The following WDPCP variants were observed in gnomAD, a reference collection of about 807,000 sequenced individuals.
The protein encoded by WDPCP is WD repeat-containing and planar cell polarity effector protein fritz homolog.
In WDPCP, 71 loss-of-function variants were observed where a neutral mutation model predicts 93.1. The ratio of observed to expected loss-of-function variants is 0.76; its 90% CI spans 0.63 to 0.93. The LOEUF is 0.93. WDPCP is among the 40% of genes least tolerant of loss of function. The pLI is 0.00. For synonymous variants in WDPCP, 315 were observed against 315.0 expected, an observed-to-expected ratio of 1.00 and a Z score of 0.00; for missense variants, 844 against 887.4, an observed-to-expected ratio of 0.95 and a Z score of 0.62.
intron 6 of WDPCP, among the ~76,000 whole-genome samples, chr2:63,466,985 T>A (rs1231589547): frequency 1.3e-5 from 2 of 152,140 alleles, no homozygotes; most frequent in Non-Finnish European, 2.9e-5. Flanking sequence ...GAAGAAAATG[T>A]TGATTGATGA....
chr2:63,159,123 T>A (rs938817163), intron 15 of WDPCP, among the ~76,000 whole-genome samples: 8 of 150,656 alleles, frequency 5.3e-5, no homozygotes, highest in African/African-American at 1.5e-4. Flanking sequence ...ACCATTGCAA[T>A]CTAGCCTGTG....
intron 6 of WDPCP, among the ~76,000 whole-genome samples, chr2:63,478,327 GA>G (rs1397034762): frequency 2.6e-5 from 4 of 151,568 alleles, no homozygotes; most frequent in Admixed American, 2.6e-4. Context: ...CTATACCCTA[GA>G]AAAAAAATGG....
At chr2:63,218,063 G>A (rs909970301) in intron 14 of WDPCP, among the ~76,000 whole-genome samples, 2 of 152,098 alleles carry the variant, frequency 1.3e-5, no homozygotes, top group African/African-American at 4.8e-5. Context: ...CTTAAAATTT[G>A]AGTACTAATG....
chr2:63,624,615 C>T (rs555485341), intron 3 of WDPCP, among the ~76,000 whole-genome samples: 1 of 152,232 alleles, frequency 6.6e-6, no homozygotes, highest in East Asian at 1.9e-4. Flanking sequence ...TATACACCCT[C>T]CCAAGACTAA....
chr2:63,495,022 C>T (rs776604808), intron 1 of WDPCP, among the ~76,000 whole-genome samples: 25 of 150,590 alleles, frequency 1.7e-4, no homozygotes, highest in Non-Finnish European at 3.2e-4. Context: ...AAGGAGGAAA[C>T]AGGCTACAAT....
intron 13 of WDPCP, among the ~76,000 whole-genome samples, chr2:63,298,908 T>G (rs557310625): frequency 3.9e-5 from 6 of 152,336 alleles, no homozygotes; most frequent in East Asian, 3.9e-4. Flanking sequence ...ATTTTCACTA[T>G]GTCCCAAAAG....
At chr2:63,380,669 G>A (rs1448072995) in intron 11 of WDPCP, among the ~76,000 whole-genome samples, 1 of 152,160 alleles carries the variant, frequency 6.6e-6, no homozygotes, top group Non-Finnish European at 1.5e-5. Context: ...ATTGCAGTGA[G>A]AAGAGATCAT....
intron 2 of WDPCP, among the ~76,000 whole-genome samples, chr2:63,744,124 T>A (rs532791301): frequency 3.3e-5 from 5 of 152,258 alleles, no homozygotes; most frequent in African/African-American, 1.2e-4. Context: ...AATAGAGAAG[T>A]GATCTGTTGC....
chr2:63,785,401 G>T (rs1670452678), intron 2 of WDPCP, among the ~76,000 whole-genome samples: 1 of 151,970 alleles, frequency 6.6e-6, no homozygotes, highest in Non-Finnish European at 1.5e-5. Flanking sequence ...AAGAAGGGTA[G>T]TGTCATTTTT....
At chr2:63,324,554 A>G (rs543229079) in intron 12 of WDPCP, among the ~76,000 whole-genome samples, 2 of 152,360 alleles carry the variant, frequency 1.3e-5, no homozygotes, top group African/African-American at 4.8e-5. Context: ...GATGTCCTAC[A>G]GGGTCTAGGG....
intron 7 of WDPCP, among the ~76,000 whole-genome samples, chr2:63,438,602 A>G (rs1697297152): frequency 1.3e-5 from 2 of 152,044 alleles, no homozygotes; most frequent in South Asian, 4.1e-4. Context: ...TTCTACAGGG[A>G]AGCTTCCTCA....
intron 2 of WDPCP, among the ~76,000 whole-genome samples, chr2:63,737,079 A>G (rs558263133): frequency 6.6e-6 from 1 of 152,152 alleles, no homozygotes; most frequent in Admixed American, 6.5e-5. Context: ...GGGATGTCTC[A>G]TGTGTACTCC....
At chr2:63,228,646 T>C (rs1441701328) in intron 14 of WDPCP, 1 of 151,730 alleles carries the variant, frequency 6.6e-6, no homozygotes, top group East Asian at 1.9e-4. Flanking sequence ...TGTGTTCTCA[T>C]TGTTCCATTC....
At chr2:63,360,349 C>T (rs189943419) in intron 12 of WDPCP, among the ~76,000 whole-genome samples, 2 of 152,300 alleles carry the variant, frequency 1.3e-5, no homozygotes, top group East Asian at 1.9e-4. Flanking sequence ...GTACATATTT[C>T]GCTATCTGAC....
At chr2:63,130,471 T>C (rs1269263632) in intron 17 of WDPCP, among the ~76,000 whole-genome samples, 1 of 152,164 alleles carries the variant, frequency 6.6e-6, no homozygotes, top group Non-Finnish European at 1.5e-5. Flanking sequence ...TGGTTCTATA[T>C]GTCTGTCTTT....
chr2:63,765,009 T>C (rs1341698570), intron 2 of WDPCP, among the ~76,000 whole-genome samples: 1 of 152,100 alleles, frequency 6.6e-6, no homozygotes, highest in East Asian at 1.9e-4. Context: ...AACAAAGATG[T>C]GTGGAAAGCA....
chr2:63,456,400 G>T (rs946586779), intron 6 of WDPCP, among the ~76,000 whole-genome samples: 1 of 151,886 alleles, frequency 6.6e-6, no homozygotes, highest in African/African-American at 2.4e-5. Context: ...CTGGGCAACA[G>T]AGTGAGTGAG....
chr2:63,575,369 A>AGTATATACAGTATATACACG (rs1707868880), intron 1 of WDPCP, among the ~76,000 whole-genome samples: 1 of 118,144 alleles, frequency 8.5e-6, no homozygotes, highest in South Asian at 2.7e-4. Flanking sequence ...CAGTATATAC[A>AGTATATACAGTATATACACG]GTATATACAG....
At chr2:63,814,281 T>C (rs916073221) in intron 1 of WDPCP, among the ~76,000 whole-genome samples, 1 of 152,088 alleles carries the variant, frequency 6.6e-6, no homozygotes, top group African/African-American at 2.4e-5. Context: ...TGACACATTC[T>C]GGTCATTGAA....
Sources: allele counts gnomAD v4.1 joint callset (sites outside exome capture counted in the v4.1 genomes callset), GRCh38; gene constraint gnomAD v4.1.1; transcripts MANE v1.5; gene names NCBI Gene and HGNC (gene_info 2026-07-23, HGNC 2026-07-21).